Variants in ATF6B observed in about 807,000 individuals in gnomAD.
The protein encoded by ATF6B is cyclic AMP-dependent transcription factor ATF-6 beta.
ATF6B carries 50 observed loss-of-function variants against 83.5 expected under a neutral mutation model. The ratio of observed to expected loss-of-function variants is 0.60; its 90% CI spans 0.48 to 0.76. The LOEUF is 0.76. Among genes scored for constraint, ATF6B ranks in the 30% least tolerant of loss-of-function variants. The pLI is 0.00. For missense variants in ATF6B, 790 were observed against 893.8 expected (o/e 0.88, Z 1.48); for synonymous variants, 344 against 362.8 (o/e 0.95, Z 0.59).
rs774932427 is a variant in ATF6B, at chr6:32,117,056, G to T, written c.1666C>A (p.Pro556Thr). 9.3e-6 allele frequency: 15 copies of T among 1,613,982 alleles called. No homozygotes were observed. The highest frequency in any genetic ancestry group is 1.7e-5 in the Admixed American group (1 of 59,998). Residue 556 changes from proline (P) to threonine (T), a missense_variant, in exon 15 of 18, where the codon CCC becomes ACC. This residue lies in a region of ATF6B where 530 missense variants were observed against 632.6 expected (regional missense o/e 0.84). Coordinates refer to ENST00000375203, the MANE Select transcript of ATF6B (RefSeq NM_004381.5). The surrounding 1 kb of genome is among the most constrained non-coding windows in gnomAD (Gnocchi z 5.0). Reference sequence around the variant, plus strand: ...ACTCACCTTTCTGGGGGTCCAGGGGGTTGGATGGGGACTGCCTTAACTGGA... The same window carrying T: ...ACTCACCTTTCTGGGGGTCCAGGGGTTTGGATGGGGACTGCCTTAACTGGA... The part of the protein sequence containing the change: ...SPPVKAVPIQ[P>T]PGPPERDSVG...
Position 32,120,885 on chromosome 6 carries a change from G to A in ATF6B, c.718C>T (p.Arg240Trp), listed in dbSNP as rs753225427. 5.8e-5 allele frequency: 90 copies of A among 1,544,818 alleles called. 1 individual carries two copies. The South Asian group carries it at 9.6e-4, about 16-fold the overall frequency. Residue 240 changes from arginine to tryptophan, a missense_variant, in exon 8 of 18, where the codon CGG becomes TGG. This residue lies in a region of ATF6B where 530 missense variants were observed against 632.6 expected (regional missense o/e 0.84). Transcript: ENST00000375203. The stretch of plus-strand genomic sequence containing the variant: ...GGTTTGGGCTGCAGTGGCGGCTTCC[G>A]GGTGGGCAGGGCTTTGCCTGAAGGA... ...DGSSGKALPT[R>W]KPPLQPKPVV...
intron 8 of ATF6B, 56 bp from the exon 9 acceptor site, chr6:32,120,013 C>T (rs981754153): frequency 1.9e-6 from 3 of 1,559,312 alleles, no homozygotes; most frequent in Admixed American, 1.9e-5. Context: ...TCCTTGTGTC[C>T]ACACCCACAC....
intron 5 of ATF6B, among the ~76,000 whole-genome samples, chr6:32,122,721 C>T (rs770457071): frequency 1.2e-4 from 18 of 151,792 alleles, no homozygotes; most frequent in Non-Finnish European, 2.5e-4. Flanking sequence ...TGGTGGCGGA[C>T]GCCTGTAGTC....
intron 8 of ATF6B, chr6:32,120,503 T>G: frequency 3.5e-6 from 1 of 282,232 alleles, no homozygotes; most frequent in Non-Finnish European, 6.5e-6. Context: ...CAGGCTGGAG[T>G]GCAGTGGCAT....
At position 32,116,968 on chromosome 6, in the gene ATF6B, A is replaced by G; in HGVS notation, c.1685+69T>C. 1 of 1,565,180 alleles carries G rather than the reference A, an allele frequency of 6.4e-7. No individual in the cohort carries two copies. The highest frequency in any genetic ancestry group is 2.2e-5 in the East Asian group (1 of 44,542). On this transcript the variant is annotated intron_variant, in intron 15 of 17. Coordinates refer to ENST00000375203, the MANE Select transcript of ATF6B (RefSeq NM_004381.5). This position sits in a 1 kb window ranked among gnomAD's most constrained non-coding sequence, Gnocchi z 5.1. ...GTGACAGTAATGACAGGCACAGGAC[A>G]GCTACTGGGGGTACAGCTCTTGAAA...
intron 8 of ATF6B, 154 bp downstream of exon 8, chr6:32,120,617 A>T: frequency 2.2e-6 from 2 of 924,850 alleles, no homozygotes; most frequent in Non-Finnish European, 3.0e-6. Flanking sequence ...CTCCACGCTA[A>T]TTTTTGTATT....
chr6:32,115,586 G>A lies in ATF6B; in HGVS notation c.*153C>T. ...TCTGAAAAGGGATGAGAAGAGAGGT[G>A]AACACCCCCACCTCAAATAAGTGCT... On this transcript the variant is annotated 3_prime_UTR_variant, in exon 18 of 18. Transcript: ENST00000375203. 1.6e-6 allele frequency: 1 copy of A among 620,160 alleles called. No individual in the cohort carries two copies. The highest frequency in any genetic ancestry group is 2.7e-6 in the Non-Finnish European group (1 of 364,256). 38.4% of individuals were successfully genotyped at this position (620,160 alleles called of 1,614,324 possible).
intron 3 of ATF6B, 25 bp downstream of exon 3, chr6:32,127,417 G>A: frequency 6.3e-7 from 1 of 1,595,638 alleles, no homozygotes; most frequent in Non-Finnish European, 8.6e-7. Context: ...CTGGAAATCT[G>A]AGGGAACGAC....
Position 32,125,856 on chromosome 6 carries a change from T to G in ATF6B, c.478+261A>C, listed in dbSNP as rs1480438071. 6.6e-6 allele frequency among the ~76,000 whole-genome samples: 1 copy of G among 152,146 alleles called. No individual in the cohort carries two copies. The highest frequency in any genetic ancestry group is 2.4e-5 in the African/African-American group (1 of 41,424). On this transcript the variant is annotated intron_variant, in intron 5 of 17. Transcript: ENST00000375203. This position sits in a 1 kb window ranked among gnomAD's most constrained non-coding sequence, Gnocchi z 4.1. ...TGCTCACAAGTTTTTAAAAAGTAAG[T>G]TGAATGGCATGACAGAATACTAGGA...
chr6:32,124,408 T>G (rs1781884024), intron 5 of ATF6B, among the ~76,000 whole-genome samples: 1 of 152,244 alleles, frequency 6.6e-6, no homozygotes, highest in South Asian at 2.1e-4. Context: ...TTCTCAAGTC[T>G]GCTTTCTTCA....
rs1436131213 is a variant in ATF6B, at chr6:32,119,753, TTCTC to T, written c.966+67_966+70del. The T allele has an allele frequency of 1.1e-5, 17 of 1,575,470 alleles. No homozygotes were observed. The highest frequency in any genetic ancestry group is 9.4e-5 in the South Asian group (8 of 85,524). ...TATCGACTCCCTCCTCATCCCACAG[TTCTC>T]TCTATGGCAAGACTTCCCTCTTCCC... On this transcript the variant is annotated intron_variant, in intron 9 of 17. Transcript: ENST00000375203. This position sits in a 1 kb window ranked among gnomAD's most constrained non-coding sequence, Gnocchi z 4.9.
Position 32,117,200 on chromosome 6 carries a change from AC to A in ATF6B, c.1615-94del. 6.5e-7 allele frequency: 1 copy of A among 1,533,050 alleles called. No individual in the cohort carries two copies. The highest frequency in any genetic ancestry group is 8.9e-7 in the Non-Finnish European group (1 of 1,119,496). 95.0% of individuals were successfully genotyped at this position (1,533,050 alleles called of 1,614,324 possible). ...GGAAGCTGATGCCACCTCCCACTCA[AC>A]CCTCCACTTCCTTCAAACGATCCCT... is the stretch of plus-strand genomic sequence containing the variant. On this transcript the variant is annotated intron_variant, in intron 14 of 17. Transcript: ENST00000375203. The surrounding 1 kb of genome is among the most constrained non-coding windows in gnomAD (Gnocchi z 5.0).
chr6:32,120,015 C>G (rs1375990248), intron 8 of ATF6B, 58 bp from the exon 9 acceptor site: 1 of 1,559,930 alleles, frequency 6.4e-7, no homozygotes, highest in Admixed American at 1.9e-5. Flanking sequence ...CTTGTGTCCA[C>G]ACCCACACAA....
chr6:32,127,141 A>C lies in ATF6B; in HGVS notation c.304T>G (p.Ser102Ala). 1 of 1,611,292 alleles carries C rather than the reference A, an allele frequency of 6.2e-7. No homozygotes were observed. Among genetic ancestry groups the C allele is most frequent in the Non-Finnish European group, 8.5e-7 (1 of 1,179,094 alleles). ...SSPCSSSSLS[S>A]ESSRLSTEPS... ...TCTGTGGAGAGACGCGATGACTCGG[A>C]GCTGAGGGAGGAGGAAGAGCAGGGG... The change falls in exon 4 of 18, where the codon TCC (serine) becomes GCC (alanine). Residue 102 changes from serine to alanine, a missense_variant. Transcript: ENST00000375203.
Position 32,116,895 on chromosome 6 carries a change from G to T in ATF6B, c.1686-80C>A, listed in dbSNP as rs1365856335. 2.6e-6 allele frequency: 4 copies of T among 1,555,724 alleles called. No homozygotes were observed. The highest frequency in any genetic ancestry group is 3.5e-6 in the Non-Finnish European group (4 of 1,129,384). On this transcript the variant is annotated intron_variant, in intron 15 of 17. Coordinates refer to ENST00000375203, the MANE Select transcript of ATF6B (RefSeq NM_004381.5). The surrounding 1 kb of genome is among the most constrained non-coding windows in gnomAD (Gnocchi z 5.1). ...TACCAGGGAAGCGGGTAGGATGAGA[G>T]AAAAAGACAGGAGACCCCCAGTGGA...
rs62402720 is a variant in ATF6B, at chr6:32,117,540, C to G, written c.1532+47G>C. On this transcript the variant is annotated intron_variant, in intron 13 of 17. Coordinates refer to ENST00000375203, the MANE Select transcript of ATF6B (RefSeq NM_004381.5). The surrounding 1 kb of genome is among the most constrained non-coding windows in gnomAD (Gnocchi z 5.0). The stretch of plus-strand genomic sequence containing the variant: ...GGCCAGCCAGGCTGACTGCAGAAGG[C>G]CTTGGGAGGCCGGGGGAGCTGGATG... 0.022 allele frequency: 35,499 copies of G among 1,602,554 alleles called. 462 individuals carry two copies. The highest frequency in any genetic ancestry group is 0.025 in the South Asian group (2,259 of 90,140).
intron 5 of ATF6B, among the ~76,000 whole-genome samples, chr6:32,123,718 T>C (rs995563405): frequency 2.6e-5 from 4 of 152,088 alleles, no homozygotes; most frequent in Non-Finnish European, 5.9e-5. Context: ...TTATTTTGTG[T>C]ATCTTTTTTA....
Position 32,128,219 on chromosome 6 carries a change from AC to A in ATF6B, c.-13del. On this transcript the variant is annotated 5_prime_UTR_variant, in exon 1 of 18. Coordinates refer to ENST00000375203, the MANE Select transcript of ATF6B (RefSeq NM_004381.5). ...ATCAGCTCCGCCATCTTTCCCCCCCACCCCCCAACCAGGAGACGGTTCCCAA... is the reference window on the plus strand; with the variant it reads ...ATCAGCTCCGCCATCTTTCCCCCCCACCCCCAACCAGGAGACGGTTCCCAA... 2 of 845,156 alleles carry A rather than the reference AC, an allele frequency of 2.4e-6. No homozygotes were observed. Among genetic ancestry groups the A allele is most frequent in the Non-Finnish European group, 1.6e-6 (1 of 612,948 alleles). 52.4% of individuals were successfully genotyped at this position (845,156 alleles called of 1,614,324 possible).
At chr6:32,123,863 C>T (rs1164386684) in intron 5 of ATF6B, among the ~76,000 whole-genome samples, 1 of 152,066 alleles carries the variant, frequency 6.6e-6, no homozygotes, top group Non-Finnish European at 1.5e-5. Context: ...TGGAGTTCAG[C>T]CAGTGAGAGA....
Sources: allele counts gnomAD v4.1 joint callset (sites outside exome capture counted in the v4.1 genomes callset), GRCh38; gene constraint gnomAD v4.1.1; regional missense constraint gnomAD v4.1.1; non-coding constraint Gnocchi (gnomAD v3.1); transcripts MANE v1.5; gene names NCBI Gene and HGNC (gene_info 2026-07-23, HGNC 2026-07-21).